LRRIQ3: variants seen among roughly 807,000 people sequenced by gnomAD.
The protein encoded by LRRIQ3 is leucine rich repeats and IQ motif containing 3.
LRRIQ3 carries 75 observed loss-of-function variants against 59.3 expected under a neutral mutation model. That is an observed-to-expected ratio of 1.26 (90% confidence interval 1.05 to 1.53). LRRIQ3 has a LOEUF of 1.53. Among genes scored for constraint, LRRIQ3 ranks in the 40% most tolerant of loss-of-function variants. The pLI is 0.00. For missense variants in LRRIQ3, 831 were observed against 710.0 expected (o/e 1.17, Z -1.94); for synonymous variants, 250 against 231.3 (o/e 1.08, Z -0.73).
At chr1:74,193,025 C>T (rs1650868032) in intron 1 of LRRIQ3, among the ~76,000 whole-genome samples, 1 of 152,110 alleles carries the variant, frequency 6.6e-6, no homozygotes, top group African/African-American at 2.4e-5. Flanking sequence ...CCATATGATT[C>T]TACTGCCTAC....
chr1:74,052,587 C>T (rs1180980624), intron 6 of LRRIQ3, among the ~76,000 whole-genome samples: 1 of 152,070 alleles, frequency 6.6e-6, no homozygotes, highest in African/African-American at 2.4e-5. Context: ...CTCTAATATC[C>T]TCAAAAGCCT....
intron 5 of LRRIQ3, among the ~76,000 whole-genome samples, chr1:74,076,651 G>T (rs545216316): frequency 1.6e-4 from 25 of 151,916 alleles, no homozygotes; most frequent in Non-Finnish European, 2.8e-4. Context: ...TATGTGCCTT[G>T]GTCCCCTGTA....
chr1:74,161,684 C>A (rs1648669200), intron 3 of LRRIQ3, among the ~76,000 whole-genome samples: 1 of 151,888 alleles, frequency 6.6e-6, no homozygotes, highest in South Asian at 2.1e-4. Context: ...TTGCAGTTTA[C>A]ATCAGAGTCC....
intron 5 of LRRIQ3, among the ~76,000 whole-genome samples, chr1:74,098,823 G>A (rs1295925425): frequency 1.3e-5 from 2 of 152,226 alleles, no homozygotes; most frequent in East Asian, 3.9e-4. Flanking sequence ...ATAACGAAAT[G>A]AAGGCAGAAA....
intron 6 of LRRIQ3, among the ~76,000 whole-genome samples, chr1:74,053,177 C>A (rs1440551254): frequency 6.9e-3 from 692 of 100,708 alleles, no homozygotes; most frequent in African/African-American, 0.011. Context: ...CTCCACATGC[C>A]AAAAAAAAAA....
At chr1:74,039,229 A>C (rs567790364) in intron 7 of LRRIQ3, among the ~76,000 whole-genome samples, 3 of 152,176 alleles carry the variant, frequency 2.0e-5, no homozygotes, top group African/African-American at 7.2e-5. Flanking sequence ...ACGATATCAG[A>C]GTTTGAAGAC....
intron 4 of LRRIQ3, 44 bp from the exon 5 acceptor site, chr1:74,109,597 A>C: frequency 6.7e-7 from 1 of 1,487,076 alleles, no homozygotes; most frequent in Non-Finnish European, 9.0e-7. Context: ...GTTTTTTGCC[A>C]TTAAAAAACA....
chr1:74,139,653 A>T (rs1647196040), intron 4 of LRRIQ3, among the ~76,000 whole-genome samples: 1 of 151,938 alleles, frequency 6.6e-6, no homozygotes, highest in Non-Finnish European at 1.5e-5. Context: ...AAACACTTGT[A>T]ATGGCTTGCC....
At chr1:74,124,741 A>G (rs980509197) in intron 4 of LRRIQ3, among the ~76,000 whole-genome samples, 4 of 151,848 alleles carry the variant, frequency 2.6e-5, no homozygotes, top group African/African-American at 9.7e-5. Context: ...GAACAGTCCT[A>G]TGTTGTTTTG....
At chr1:74,105,794 T>C (rs1336069774) in intron 5 of LRRIQ3, among the ~76,000 whole-genome samples, 1 of 151,960 alleles carries the variant, frequency 6.6e-6, no homozygotes, top group Admixed American at 6.6e-5. Context: ...TGAGTCTTAT[T>C]TATAGGAAAA....
chr1:74,106,186 A>G (rs1377734765), intron 5 of LRRIQ3, among the ~76,000 whole-genome samples: 3 of 152,054 alleles, frequency 2.0e-5, no homozygotes, highest in Non-Finnish European at 2.9e-5. Flanking sequence ...TATCCTAGGA[A>G]GTGGACTGTC....
intron 6 of LRRIQ3, among the ~76,000 whole-genome samples, chr1:74,043,983 T>A (rs1308079624): frequency 6.6e-6 from 1 of 152,138 alleles, no homozygotes; most frequent in Non-Finnish European, 1.5e-5. Context: ...CATTCTTCCA[T>A]GTCTTTTCAC....
rs768160204 is a variant in LRRIQ3, at chr1:74,041,959, T to C, written c.998-26A>G. On this transcript the variant is annotated intron_variant, in intron 6 of 7. Transcript: ENST00000354431. ...CTACATCAAACAGAAGCAAATATTA[T>C]ACATTATACAAGAGCTAAGTACATT... The C allele has an allele frequency of 2.1e-5, 33 of 1,540,944 alleles. No homozygotes were observed. In the Middle Eastern group the frequency reaches 1.1e-3, roughly 50 times the overall value.
Position 74,129,454 on chromosome 1 carries a change from G to T in LRRIQ3, c.708-19901C>A, listed in dbSNP as rs537939843. The stretch of plus-strand genomic sequence containing the variant: ...CTTTAGTTAGCTTGTGGTAAATGCT[G>T]CCAGGCCTAGGACTCTCCCTTCAGT... On this transcript the variant is annotated intron_variant, in intron 4 of 7. Transcript: ENST00000354431. 1.1e-4 allele frequency among the ~76,000 whole-genome samples: 17 copies of T among 152,098 alleles called. No individual in the cohort carries two copies. The South Asian group carries it at 3.1e-3, about 28-fold the overall frequency.
At chr1:74,102,067 A>G (rs540789019) in intron 5 of LRRIQ3, among the ~76,000 whole-genome samples, 1 of 152,110 alleles carries the variant, frequency 6.6e-6, no homozygotes, top group African/African-American at 2.4e-5. Context: ...ATTAAAAAAA[A>G]AAAAAGAAAA....
chr1:74,115,571 T>C (rs1246807356), intron 4 of LRRIQ3, among the ~76,000 whole-genome samples: 1 of 152,048 alleles, frequency 6.6e-6, no homozygotes, highest in Non-Finnish European at 1.5e-5. Context: ...TTGCCTTCAA[T>C]AAGTAAGTGG....
At chr1:74,159,351 C>G (rs1648529182) in intron 3 of LRRIQ3, among the ~76,000 whole-genome samples, 1 of 152,126 alleles carries the variant, frequency 6.6e-6, no homozygotes, top group African/African-American at 2.4e-5. Context: ...ACTCTTCATC[C>G]TACATATCTG....
intron 5 of LRRIQ3, among the ~76,000 whole-genome samples, chr1:74,095,439 T>C (rs1199509597): frequency 6.6e-6 from 1 of 152,180 alleles, no homozygotes; most frequent in African/African-American, 2.4e-5. Flanking sequence ...TGTCTCTACA[T>C]ACATATCCAT....
intron 5 of LRRIQ3, among the ~76,000 whole-genome samples, chr1:74,091,640 C>T (rs1646395677): frequency 6.6e-6 from 1 of 151,952 alleles, no homozygotes. Flanking sequence ...ATAGAGAATA[C>T]AAGCTTATTA....
Sources: allele counts gnomAD v4.1 joint callset (sites outside exome capture counted in the v4.1 genomes callset), GRCh38; gene constraint gnomAD v4.1.1; transcripts MANE v1.5; gene names NCBI Gene and HGNC (gene_info 2026-07-23, HGNC 2026-07-21).